The following ADGRF5 variants were observed in gnomAD, a reference collection of about 807,000 sequenced individuals.
The protein encoded by ADGRF5 is adhesion G protein-coupled receptor F5, also known as G-protein coupled receptor 116.
A neutral mutation model predicts 132.3 loss-of-function variants in ADGRF5; 75 were observed. The ratio of observed to expected loss-of-function variants is 0.57; its 90% CI spans 0.47 to 0.69. The LOEUF is 0.69. ADGRF5 is among the 30% of genes least tolerant of loss of function. The probability of loss-of-function intolerance (pLI) is 0.00; values close to 1 mark genes in which losing one functional copy is unlikely to be tolerated. For missense variants in ADGRF5, 1,516 were observed against 1,630.6 expected (o/e 0.93, Z 1.21); for synonymous variants, 629 against 597.6 (o/e 1.05, Z -0.77).
chr6:46,940,890 T>C (rs182211363), intron 1 of ADGRF5, among the ~76,000 whole-genome samples: 151 of 151,964 alleles, frequency 9.9e-4, no homozygotes, highest in Non-Finnish European at 1.8e-3. Flanking sequence ...ATTTAGTAAT[T>C]CTTCCTCCCA....
chr6:46,865,948 G>A (rs117196936), intron 13 of ADGRF5, among the ~76,000 whole-genome samples: 1 of 152,162 alleles, frequency 6.6e-6, no homozygotes, highest in East Asian at 1.9e-4. Flanking sequence ...CTCCAGAATA[G>A]TTATTGAAAA....
intron 11 of ADGRF5, 49 bp from the exon 12 acceptor site, chr6:46,869,141 T>C: frequency 1.9e-6 from 3 of 1,576,518 alleles, no homozygotes; most frequent in Non-Finnish European, 1.7e-6. Flanking sequence ...ACAAGTTCAA[T>C]GTGTAGTATC....
At position 46,878,155 on chromosome 6, in the gene ADGRF5, C is replaced by T. The variant is rs745875988; in HGVS notation, c.1240+47G>A. ...GCCACATCTCCCATTTCTACTTGGCCAAGAGGCAAAAACCTATTTGCAAAA... is the reference window on the plus strand; with the variant it reads ...GCCACATCTCCCATTTCTACTTGGCTAAGAGGCAAAAACCTATTTGCAAAA... On this transcript the variant is annotated intron_variant, in intron 10 of 20. Coordinates refer to ENST00000283296, the MANE Select transcript of ADGRF5 (RefSeq NM_001098518.2). The T allele has an allele frequency of 3.2e-6, 4 of 1,256,924 alleles. No individual in the cohort carries two copies. In the South Asian group the frequency reaches 4.8e-5, roughly 15 times the overall value. The allele number at this position is 1,256,924 out of a possible 1,614,324, so 77.9% of individuals were successfully genotyped here.
intron 4 of ADGRF5, among the ~76,000 whole-genome samples, chr6:46,885,646 G>A (rs541978758): frequency 6.6e-6 from 1 of 152,266 alleles, no homozygotes; most frequent in African/African-American, 2.4e-5. Context: ...GCATTGCAGT[G>A]AGTGACTTTC....
chr6:46,945,152 T>G (rs899439046), intron 1 of ADGRF5, among the ~76,000 whole-genome samples: 1 of 152,212 alleles, frequency 6.6e-6, no homozygotes, highest in Non-Finnish European at 1.5e-5. Context: ...CATTTGGAAA[T>G]TCTGCCTGAG....
intron 1 of ADGRF5, among the ~76,000 whole-genome samples, chr6:46,944,741 G>A (rs1561841280): frequency 6.6e-6 from 1 of 152,108 alleles, no homozygotes; most frequent in Non-Finnish European, 1.5e-5. Context: ...TTAAAAGGAT[G>A]AGATCTTTCA....
upstream of ADGRF5, among the ~76,000 whole-genome samples, chr6:46,926,572 G>A (rs1393059638): frequency 5.3e-5 from 8 of 152,046 alleles, no homozygotes; most frequent in South Asian, 2.1e-4. Context: ...CTCGGGGAGC[G>A]CTGACCACCA....
At chr6:46,874,191 A>T (rs970277848) in intron 10 of ADGRF5, among the ~76,000 whole-genome samples, 1 of 152,184 alleles carries the variant, frequency 6.6e-6, no homozygotes, top group African/African-American at 2.4e-5. Flanking sequence ...GGTATATTCA[A>T]TTATTCACAG....
At chr6:46,934,988 G>A (rs1777744278) in intron 1 of ADGRF5, among the ~76,000 whole-genome samples, 1 of 149,768 alleles carries the variant, frequency 6.7e-6, no homozygotes, top group Non-Finnish European at 1.5e-5. Flanking sequence ...ACCACCATAT[G>A]GTGATAGTTC....
chr6:46,935,026 C>T (rs566188673), intron 1 of ADGRF5, among the ~76,000 whole-genome samples: 45 of 102,400 alleles, frequency 4.4e-4, no homozygotes, highest in African/African-American at 9.3e-4. Flanking sequence ...TTTTTTGAGA[C>T]GGAGTCTTGC....
chr6:46,906,613 C>A, intron 2 of ADGRF5, 48 bp downstream of exon 2: 3 of 989,664 alleles, frequency 3.0e-6, no homozygotes, highest in South Asian at 2.8e-5. Context: ...GTCAGGAAAT[C>A]AGAAAAATGT....
chr6:46,898,914 C>T (rs140913678), intron 3 of ADGRF5, among the ~76,000 whole-genome samples: 4 of 152,286 alleles, frequency 2.6e-5, no homozygotes, highest in South Asian at 2.1e-4. Flanking sequence ...GTAATGTGAA[C>T]GTGCAAGTGC....
At chr6:46,939,029 C>G (rs548258272) in intron 1 of ADGRF5, among the ~76,000 whole-genome samples, 133 of 152,204 alleles carry the variant, frequency 8.7e-4, no homozygotes, top group Middle Eastern at 6.8e-3. Flanking sequence ...TGCCACCACA[C>G]TCAGCTAATT....
chr6:46,878,098 A>G, intron 10 of ADGRF5, 104 bp downstream of exon 10: 1 of 761,356 alleles, frequency 1.3e-6, no homozygotes. Context: ...AATCCAGAAA[A>G]TAACAGCCAT....
intron 1 of ADGRF5, among the ~76,000 whole-genome samples, chr6:46,945,399 T>C (rs779068672): frequency 6.6e-6 from 1 of 152,210 alleles, no homozygotes; most frequent in Non-Finnish European, 1.5e-5. Flanking sequence ...AAAGAAGAGA[T>C]AAATCACTTA....
At chr6:46,886,547 C>T (rs984349209) in intron 4 of ADGRF5, 1 of 152,168 alleles carries the variant, frequency 6.6e-6, no homozygotes, top group Non-Finnish European at 1.5e-5. Context: ...AAAAAGTTAC[C>T]ACTTCCAGAC....
At chr6:46,899,306 G>A (rs568586373) in intron 3 of ADGRF5, among the ~76,000 whole-genome samples, 1 of 152,060 alleles carries the variant, frequency 6.6e-6, no homozygotes, top group Non-Finnish European at 1.5e-5. Flanking sequence ...TTGGCTTTTA[G>A]TTCCAAGGCC....
intron 15 of ADGRF5, among the ~76,000 whole-genome samples, chr6:46,862,473 T>A (rs1005007920): frequency 6.6e-6 from 1 of 151,822 alleles, no homozygotes; most frequent in Non-Finnish European, 1.5e-5. Context: ...GCCCAGCTAT[T>A]TTTTTTAAAG....
rs77184118 is a variant in ADGRF5, at chr6:46,878,489, A to T, written c.1037-84T>A. The T allele has an allele frequency of 3.2e-3, 2,574 of 808,510 alleles. 52 individuals are homozygous for T. The African/African-American group carries it at 0.039, about 12-fold the overall frequency. 50.1% of individuals were successfully genotyped at this position (808,510 alleles called of 1,614,324 possible). A position where few individuals can be genotyped will look rare whatever the true frequency, so the allele number is the denominator to read the frequency against. ...ATGTACCGTCAGCTCATGGATCATG[A>T]CAGTACTTCATGAAGTATCATTTTC... is the stretch of plus-strand genomic sequence containing the variant. On this transcript the variant is annotated intron_variant, in intron 9 of 20. Coordinates refer to ENST00000283296, the MANE Select transcript of ADGRF5 (RefSeq NM_001098518.2).
Sources: allele counts gnomAD v4.1 joint callset (sites outside exome capture counted in the v4.1 genomes callset), GRCh38; gene constraint gnomAD v4.1.1; transcripts MANE v1.5; gene names NCBI Gene and HGNC (gene_info 2026-07-23, HGNC 2026-07-21).